Variants in NRXN1 observed in about 807,000 individuals in gnomAD.
NRXN1 encodes the protein neurexin 1, also known as neurexin-1.
A neutral mutation model predicts 150.9 loss-of-function variants in NRXN1; 39 were observed. The ratio of observed to expected loss-of-function variants is 0.26; its 90% CI spans 0.20 to 0.34. The LOEUF is 0.34. NRXN1 is among the 10% of genes least tolerant of loss of function. The probability of loss-of-function intolerance (pLI) is 1.00; values close to 1 mark genes in which losing one functional copy is unlikely to be tolerated. For synonymous variants in NRXN1, 924 were observed against 757.0 expected (o/e 1.22, Z -3.62); for missense variants, 1,815 against 1,949.9 (o/e 0.93, Z 1.30).
chr2:50,874,363 C>G (rs927052198), intron 5 of NRXN1, among the ~76,000 whole-genome samples: 12 of 151,750 alleles, frequency 7.9e-5, no homozygotes, highest in Non-Finnish European at 1.2e-4. Context: ...AGATTTAATC[C>G]TGACAACCAC....
chr2:50,346,625 G>A lies in NRXN1; in HGVS notation c.3365-109655C>T. 3 of 1,541,770 alleles carry A rather than the reference G, an allele frequency of 1.9e-6. No homozygotes were observed. Among genetic ancestry groups the A allele is most frequent in the East Asian group, 2.3e-5 (1 of 44,174 alleles). On this transcript the variant is annotated intron_variant, in intron 17 of 22. Transcript: ENST00000401669. The surrounding 1 kb of genome is among the most constrained non-coding windows in gnomAD (Gnocchi z 5.0). ...TTCTCTGAGCCTTAGGAGCCCAGGAGCGAGTGCAGGGTAGAAAGAGGGGAG... is the reference window on the plus strand; with the variant it reads ...TTCTCTGAGCCTTAGGAGCCCAGGAACGAGTGCAGGGTAGAAAGAGGGGAG...
At chr2:50,423,573 A>C (rs746206182) in intron 17 of NRXN1, among the ~76,000 whole-genome samples, 1 of 152,216 alleles carries the variant, frequency 6.6e-6, no homozygotes, top group African/African-American at 2.4e-5. Flanking sequence ...GAAGCGAGAT[A>C]TTAATTTTTT....
intron 18 of NRXN1, among the ~76,000 whole-genome samples, chr2:50,145,620 T>C (rs1186026537): frequency 6.6e-6 from 1 of 151,638 alleles, no homozygotes; most frequent in Non-Finnish European, 1.5e-5. Flanking sequence ...TCCTTATTTT[T>C]TAGCTGCGTA....
chr2:50,734,021 C>T (rs1698422252), intron 5 of NRXN1, among the ~76,000 whole-genome samples: 1 of 152,048 alleles, frequency 6.6e-6, no homozygotes, highest in Non-Finnish European at 1.5e-5. Context: ...GCCAGAAGGT[C>T]TAAACCAGGG....
At chr2:50,538,814 A>C (rs561082402) in intron 9 of NRXN1, among the ~76,000 whole-genome samples, 178 bp from the exon 10 acceptor site, 1 of 146,986 alleles carries the variant, frequency 6.8e-6, no homozygotes, top group East Asian at 1.9e-4. Context: ...GGTATTAAGA[A>C]ACTTTAGAAA....
At chr2:49,929,062 A>T (rs545432282) in intron 22 of NRXN1, among the ~76,000 whole-genome samples, 4 of 152,264 alleles carry the variant, frequency 2.6e-5, no homozygotes, top group Non-Finnish European at 4.4e-5. Context: ...CAAAGCATGC[A>T]TTTGAAGGGC....
chr2:50,578,125 C>A (rs1398500737), intron 8 of NRXN1, among the ~76,000 whole-genome samples: 1 of 152,152 alleles, frequency 6.6e-6, no homozygotes, highest in Non-Finnish European at 1.5e-5. Context: ...TATGAGGACA[C>A]AACGGCCCTG....
intron 8 of NRXN1, chr2:50,619,576 T>A (rs1573818704): frequency 1.3e-5 from 3 of 229,638 alleles, no homozygotes; most frequent in Non-Finnish European, 2.5e-5. Flanking sequence ...TATTTTGTTT[T>A]AGTTTTGTTT....
At chr2:50,521,826 A>C (rs1278659109) in intron 12 of NRXN1, among the ~76,000 whole-genome samples, 1 of 152,156 alleles carries the variant, frequency 6.6e-6, no homozygotes, top group East Asian at 1.9e-4. Flanking sequence ...AGCTATTTGG[A>C]TCACCAGTGG....
At chr2:50,213,339 T>C (rs1199406917) in intron 18 of NRXN1, among the ~76,000 whole-genome samples, 2 of 151,924 alleles carry the variant, frequency 1.3e-5, no homozygotes, top group Non-Finnish European at 2.9e-5. Context: ...ATACATTTTA[T>C]AGAATGAAGG....
At chr2:50,847,163 C>T (rs954831582) in intron 5 of NRXN1, among the ~76,000 whole-genome samples, 1 of 151,968 alleles carries the variant, frequency 6.6e-6, no homozygotes, top group Non-Finnish European at 1.5e-5. Context: ...GGTTTTGTGG[C>T]CTGCTTCAAG....
intron 17 of NRXN1, among the ~76,000 whole-genome samples, chr2:50,248,607 C>A (rs2066735997): frequency 6.6e-6 from 1 of 152,104 alleles, no homozygotes; most frequent in Non-Finnish European, 1.5e-5. Flanking sequence ...TCAGTTCACC[C>A]AAAAAGACAG....
At chr2:51,024,672 G>C (rs891370150) in intron 2 of NRXN1, among the ~76,000 whole-genome samples, 1 of 152,114 alleles carries the variant, frequency 6.6e-6, no homozygotes, top group Non-Finnish European at 1.5e-5. Flanking sequence ...GAGGTTGGGG[G>C]AGAGATAATA....
intron 5 of NRXN1, among the ~76,000 whole-genome samples, chr2:50,789,171 T>C (rs78469448): frequency 0.014 from 2,179 of 152,292 alleles, 53 homozygotes; most frequent in African/African-American, 0.049. Context: ...ACTATATGCA[T>C]ATAGACAGCT....
intron 5 of NRXN1, among the ~76,000 whole-genome samples, chr2:50,905,374 G>A (rs1683524856): frequency 6.6e-6 from 1 of 152,132 alleles, no homozygotes; most frequent in African/African-American, 2.4e-5. Flanking sequence ...ACATAAATGT[G>A]TGAGTCTGGT....
chr2:50,429,413 C>T (rs7585229), intron 17 of NRXN1, among the ~76,000 whole-genome samples: 41,491 of 151,840 alleles, frequency 0.27, 5,860 homozygotes, highest in East Asian at 0.39. Context: ...CATGCCATCA[C>T]GCCTGGCTAA....
chr2:50,745,253 C>T (rs1356615169), intron 5 of NRXN1, among the ~76,000 whole-genome samples: 2 of 151,654 alleles, frequency 1.3e-5, no homozygotes, highest in East Asian at 3.9e-4. Flanking sequence ...ATACTTGGTC[C>T]ATAGTAAGTG....
intron 8 of NRXN1, among the ~76,000 whole-genome samples, chr2:50,576,869 C>T (rs920943134): frequency 1.3e-5 from 2 of 152,074 alleles, no homozygotes; most frequent in Admixed American, 1.3e-4. Flanking sequence ...TCTCTTCCCC[C>T]AACCTCCTCT....
At chr2:50,530,754 A>T (rs1176531235) in intron 11 of NRXN1, among the ~76,000 whole-genome samples, 1 of 152,216 alleles carries the variant, frequency 6.6e-6, no homozygotes, top group Non-Finnish European at 1.5e-5. Flanking sequence ...AAAGGTGATT[A>T]TTCAAAGGAG....
Sources: allele counts gnomAD v4.1 joint callset (sites outside exome capture counted in the v4.1 genomes callset), GRCh38; gene constraint gnomAD v4.1.1; non-coding constraint Gnocchi (gnomAD v3.1); transcripts MANE v1.5; gene names NCBI Gene and HGNC (gene_info 2026-07-23, HGNC 2026-07-21).